NTM: variants seen among roughly 807,000 people sequenced by gnomAD.
NTM encodes neurotrimin.
A neutral mutation model predicts 42.1 loss-of-function variants in NTM; 13 were observed. The observed-to-expected ratio is 0.31, with a 90% CI of 0.20 to 0.49. The LOEUF is 0.49. NTM is among the 20% of genes least tolerant of loss of function. NTM has a pLI of 0.99. For synonymous variants in NTM, 187 were observed against 179.2 expected (o/e 1.04, Z -0.35); for missense variants, 373 against 452.8 (o/e 0.82, Z 1.60).
intron 1 of NTM, among the ~76,000 whole-genome samples, chr11:131,806,546 G>A (rs2092493437): frequency 1.3e-5 from 2 of 152,072 alleles, no homozygotes; most frequent in South Asian, 4.2e-4. Flanking sequence ...ATGTTAAACT[G>A]TAATATAATA....
At chr11:131,855,680 G>A (rs542065175) in intron 1 of NTM, among the ~76,000 whole-genome samples, 226 of 152,236 alleles carry the variant, frequency 1.5e-3, no homozygotes, top group African/African-American at 5.1e-3. Context: ...CTAACAATGT[G>A]TTTAAAGAAC....
intron 4 of NTM, among the ~76,000 whole-genome samples, chr11:132,255,235 C>T (rs184140996): frequency 2.0e-5 from 3 of 152,294 alleles, no homozygotes; most frequent in Admixed American, 6.5e-5. Context: ...TTTCTTTTAG[C>T]TCTTTAGCTC....
Position 132,211,672 on chromosome 11 carries a change from C to A in NTM, c.401-350C>A, listed in dbSNP as rs2082861143. On this transcript the variant is annotated intron_variant, in intron 3 of 8. Transcript: ENST00000683400. ...TGATATGATCAGAATTGCATTCTTT[C>A]AAGACATCGCTGAATGCAGTGTGGA... 13 of 200,556 alleles carry A rather than the reference C, an allele frequency of 6.5e-5. 1 individual carries two copies. The South Asian group carries it at 1.1e-3, about 17-fold the overall frequency. 12.4% of individuals were successfully genotyped at this position (200,556 alleles called of 1,614,324 possible).
At chr11:131,910,107 GT>G (rs2054485656) in intron 1 of NTM, 5 of 152,376 alleles carry the variant, frequency 3.3e-5, no homozygotes, top group South Asian at 4.1e-4. Context: ...GAATGGTAGT[GT>G]TGAGTCTCTG....
At chr11:131,542,642 TC>T (rs1396713638) in intron 1 of NTM, among the ~76,000 whole-genome samples, 2 of 152,160 alleles carry the variant, frequency 1.3e-5, no homozygotes, top group African/African-American at 4.8e-5. Context: ...ATTTATCAGC[TC>T]CCTCTACTTC....
chr11:131,911,204 C>G (rs1020945877), intron 1 of NTM: 21 of 1,378,200 alleles, frequency 1.5e-5, no homozygotes, highest in Non-Finnish European at 2.0e-5. Flanking sequence ...TCCCCCTCCT[C>G]GGCCACCTTC....
intron 1 of NTM, among the ~76,000 whole-genome samples, chr11:131,832,850 T>C (rs1592160262): frequency 6.6e-6 from 1 of 152,360 alleles, no homozygotes; most frequent in East Asian, 1.9e-4. Flanking sequence ...AAGGGCGCTT[T>C]AAAAACTGTT....
chr11:131,545,723 T>A (rs1424573305), intron 1 of NTM, among the ~76,000 whole-genome samples: 1 of 152,168 alleles, frequency 6.6e-6, no homozygotes, highest in African/African-American at 2.4e-5. Context: ...TATGGGGACA[T>A]ATTAGCGAAA....
chr11:132,029,065 T>G (rs866401633), intron 2 of NTM, among the ~76,000 whole-genome samples: 1,096 of 6,562 alleles, frequency 0.17, 6 homozygotes, highest in African/African-American at 0.4. Context: ...GGTGTGGGTT[T>G]TTTTTTTTGT....
chr11:131,975,291 C>A (rs915886613), intron 2 of NTM, among the ~76,000 whole-genome samples: 1 of 152,112 alleles, frequency 6.6e-6, no homozygotes, highest in Admixed American at 6.5e-5. Flanking sequence ...AGCAATTCTT[C>A]TGCCTCAGCC....
intron 1 of NTM, among the ~76,000 whole-genome samples, chr11:131,571,397 A>G (rs2057424641): frequency 6.6e-6 from 1 of 152,174 alleles, no homozygotes; most frequent in South Asian, 2.1e-4. Flanking sequence ...GCCTGTGTTA[A>G]TCTACCCAGG....
chr11:132,326,144 G>T (rs942287430), intron 7 of NTM, among the ~76,000 whole-genome samples: 2 of 151,974 alleles, frequency 1.3e-5, no homozygotes, highest in Non-Finnish European at 2.9e-5. Context: ...TTGTGCACAT[G>T]TACCCTAAAA....
intron 1 of NTM, among the ~76,000 whole-genome samples, chr11:131,465,262 C>G (rs1396269893): frequency 6.6e-6 from 1 of 152,284 alleles, no homozygotes; most frequent in East Asian, 1.9e-4. Flanking sequence ...ATGAGCCGCC[C>G]CATGGGTGAC....
intron 1 of NTM, among the ~76,000 whole-genome samples, chr11:131,491,451 CATTTT>C (rs2136296619): frequency 6.6e-6 from 1 of 152,088 alleles, no homozygotes; most frequent in Non-Finnish European, 1.5e-5. Flanking sequence ...TGTGATTTCT[CATTTT>C]AATTAAATAC....
intron 2 of NTM, among the ~76,000 whole-genome samples, chr11:131,984,277 T>A (rs532927861): frequency 6.6e-6 from 1 of 152,340 alleles, no homozygotes; most frequent in African/African-American, 2.4e-5. Flanking sequence ...CACTGACGTA[T>A]AACTGAAAAG....
chr11:131,888,920 T>G (rs2050822440), intron 1 of NTM, among the ~76,000 whole-genome samples: 1 of 151,436 alleles, frequency 6.6e-6, no homozygotes, highest in East Asian at 1.9e-4. Flanking sequence ...TTTTTTTTTT[T>G]TTATTTTACC....
At chr11:131,616,864 T>A (rs368417837) in intron 1 of NTM, among the ~76,000 whole-genome samples, 4 of 151,766 alleles carry the variant, frequency 2.6e-5, no homozygotes, top group Non-Finnish European at 5.9e-5. Context: ...CTTCCCTTCA[T>A]GCAGCCCTCC....
Position 132,115,669 on chromosome 11 carries a change from G to A in NTM, c.168-30613G>A, listed in dbSNP as rs139319582. Among the ~76,000 whole-genome samples, 712 of 152,230 alleles carry A rather than the reference G, an allele frequency of 4.7e-3. 6 individuals are homozygous for A. Among genetic ancestry groups the A allele is most frequent in the African/African-American group, 0.016 (667 of 41,546 alleles). ...CCTCGGTATTCAGCCAGGGACCCAG[G>A]AGCTATTGAATAAGCCATGACTCAG... On this transcript the variant is annotated intron_variant, in intron 2 of 8. Coordinates refer to ENST00000683400, the MANE Select transcript of NTM (RefSeq NM_001352005.2).
At chr11:131,616,807 G>GTGTGTGTGTA (rs1163316234) in intron 1 of NTM, among the ~76,000 whole-genome samples, 1 of 151,622 alleles carries the variant, frequency 6.6e-6, no homozygotes, top group African/African-American at 2.4e-5. Flanking sequence ...GTGTGTGTGT[G>GTGTGTGTGTA]TGTGTTGTTT....
Sources: allele counts gnomAD v4.1 joint callset (sites outside exome capture counted in the v4.1 genomes callset), GRCh38; gene constraint gnomAD v4.1.1; transcripts MANE v1.5; gene names NCBI Gene and HGNC (gene_info 2026-07-23, HGNC 2026-07-21).